EIF2B3: variants seen among roughly 807,000 people sequenced by gnomAD.
EIF2B3 encodes eukaryotic translation initiation factor 2B subunit gamma, also known as translation initiation factor eIF2B subunit gamma.
In EIF2B3, 20 loss-of-function variants were observed where a neutral mutation model predicts 54.1. The observed-to-expected ratio is 0.37, with a 90% confidence interval of 0.26 to 0.54. The LOEUF (loss-of-function observed/expected upper bound fraction) is 0.54. Ranked by LOEUF, EIF2B3 falls within the 20% of genes least tolerant of loss-of-function variation. The pLI is 0.86. For synonymous variants in EIF2B3, 153 were observed against 188.1 expected (o/e 0.81, Z 1.52); for missense variants, 448 against 547.8 (o/e 0.82, Z 1.82).
At chr1:44,870,265 C>CTTTTCCTAA (rs1573691864) in intron 10 of EIF2B3, among the ~76,000 whole-genome samples, 2 of 152,092 alleles carry the variant, frequency 1.3e-5, no homozygotes, top group East Asian at 3.9e-4. Flanking sequence ...GGTCTGACCT[C>CTTTTCCTAA]TTTTCCTAAG....
chr1:44,949,169 C>T (rs949626978), intron 3 of EIF2B3, among the ~76,000 whole-genome samples: 2 of 152,140 alleles, frequency 1.3e-5, no homozygotes, highest in African/African-American at 4.8e-5. Flanking sequence ...TGCACCTGGC[C>T]GCCAGTGTTA....
In EIF2B3 at chr1:44,931,527, A is replaced by G. The variant is rs183489511; in HGVS notation, c.455-4788T>C. Among the ~76,000 whole-genome samples the G allele has an allele frequency of 4.6e-5, 7 of 152,374 alleles. No homozygotes were observed. In the East Asian group the frequency reaches 1.3e-3, roughly 29 times the overall value. On this transcript the variant is annotated intron_variant, in intron 4 of 11. Coordinates refer to ENST00000360403, the MANE Select transcript of EIF2B3 (RefSeq NM_020365.5). ...GAGATGAGCCATCTTGGCTACACTT[A>G]GGCCAAACTGCCAACCTACAGACTC...
intron 10 of EIF2B3, among the ~76,000 whole-genome samples, chr1:44,870,154 A>G (rs1654916400): frequency 6.8e-6 from 1 of 148,090 alleles, no homozygotes; most frequent in Non-Finnish European, 1.5e-5. Context: ...CCCAGGGGAC[A>G]AAGAGAGACC....
At chr1:44,905,062 C>G (rs1416127750) in intron 5 of EIF2B3, among the ~76,000 whole-genome samples, 1 of 152,150 alleles carries the variant, frequency 6.6e-6, no homozygotes, top group African/African-American at 2.4e-5. Flanking sequence ...CTGGTATTTG[C>G]TACATAGGAA....
intron 10 of EIF2B3, among the ~76,000 whole-genome samples, chr1:44,863,905 C>T (rs1349261220): frequency 6.6e-6 from 1 of 152,078 alleles, no homozygotes. Flanking sequence ...ATGATCTTAC[C>T]TTTTCCCTGT....
intron 3 of EIF2B3, among the ~76,000 whole-genome samples, chr1:44,943,555 G>A (rs1176412726): frequency 6.6e-6 from 1 of 151,612 alleles, no homozygotes; most frequent in Non-Finnish European, 1.5e-5. Flanking sequence ...TAGTAGCTGG[G>A]ACTACAGGCG....
At chr1:44,926,290 A>C (rs1643848868) in intron 5 of EIF2B3, among the ~76,000 whole-genome samples, 1 of 152,034 alleles carries the variant, frequency 6.6e-6, no homozygotes, top group African/African-American at 2.4e-5. Context: ...AAAAAAACAA[A>C]GGTTACAATG....
chr1:44,957,588 T>C (rs264004), intron 3 of EIF2B3, among the ~76,000 whole-genome samples: 28,573 of 151,794 alleles, frequency 0.19, 2,844 homozygotes, highest in African/African-American at 0.23. Flanking sequence ...TGACAAAACC[T>C]GGTCTCTACT....
intron 3 of EIF2B3, among the ~76,000 whole-genome samples, chr1:44,966,454 A>G (rs986966887): frequency 2.9e-4 from 44 of 150,802 alleles, no homozygotes; most frequent in Middle Eastern, 3.4e-3. Flanking sequence ...AAAAAAAAAA[A>G]AAGAAGAAGA....
intron 3 of EIF2B3, among the ~76,000 whole-genome samples, chr1:44,976,931 G>A (rs993955563): frequency 6.6e-6 from 1 of 152,178 alleles, no homozygotes; most frequent in African/African-American, 2.4e-5. Flanking sequence ...AGGGGTGATG[G>A]AATTGTTCTA....
chr1:44,927,672 G>A (rs968182890), intron 4 of EIF2B3, among the ~76,000 whole-genome samples: 11 of 152,116 alleles, frequency 7.2e-5, no homozygotes, highest in Non-Finnish European at 1.5e-5. Flanking sequence ...AACAAGGTCT[G>A]TATGTTAAAG....
At position 44,927,841 on chromosome 1, in the gene EIF2B3, C is replaced by T. The variant is rs263983; in HGVS notation, c.455-1102G>A. Among the ~76,000 whole-genome samples, 1,019 of 151,990 alleles carry T rather than the reference C, an allele frequency of 6.7e-3. 12 individuals are homozygous for T. Among genetic ancestry groups the T allele is most frequent in the African/African-American group, 0.023 (967 of 41,452 alleles). The stretch of plus-strand genomic sequence containing the variant: ...AATCATATATATTATATTATGTATG[C>T]ATTATATATATTGAATATATATTAC... On this transcript the variant is annotated intron_variant, in intron 4 of 11. Transcript: ENST00000360403.
intron 3 of EIF2B3, among the ~76,000 whole-genome samples, chr1:44,944,074 G>A (rs1373744354): frequency 6.6e-6 from 1 of 151,942 alleles, no homozygotes; most frequent in Non-Finnish European, 1.5e-5. Context: ...AACCCAGGAG[G>A]TGGAAATTGC....
At chr1:44,877,395 C>A (rs1036895509) in intron 8 of EIF2B3, among the ~76,000 whole-genome samples, 2 of 151,952 alleles carry the variant, frequency 1.3e-5, no homozygotes, top group Admixed American at 1.3e-4. Flanking sequence ...AATGCTCCTC[C>A]TTGAAAGTAA....
chr1:44,870,143 GC>G (rs1195317109), intron 10 of EIF2B3, among the ~76,000 whole-genome samples: 7 of 150,926 alleles, frequency 4.6e-5, no homozygotes, highest in African/African-American at 9.8e-5. Flanking sequence ...CTGCACTCCA[GC>G]CCAGGGGACA....
intron 3 of EIF2B3, 71 bp downstream of exon 3, chr1:44,978,244 T>C: frequency 3.2e-6 from 5 of 1,576,148 alleles, no homozygotes; most frequent in South Asian, 2.2e-5. Context: ...AAAAAGACTA[T>C]AATGCACTGG....
rs1051127603 is a variant in EIF2B3, at chr1:44,850,787, C to T, written c.*164G>A. ...ATGACACATGAACATACACTGTGTA[C>T]ACCTGGAGCCCACCTGACATGGAGC... On this transcript the variant is annotated 3_prime_UTR_variant, in exon 12 of 12. Coordinates refer to ENST00000360403, the MANE Select transcript of EIF2B3 (RefSeq NM_020365.5). The T allele has an allele frequency of 9.7e-6, 7 of 719,864 alleles. No individual in the cohort carries two copies. The highest frequency in any genetic ancestry group is 5.3e-5 in the African/African-American group (3 of 56,762). The allele number at this position is 719,864 out of a possible 1,614,324, so 44.6% of individuals were successfully genotyped here.
intron 6 of EIF2B3, among the ~76,000 whole-genome samples, chr1:44,888,303 A>G (rs527778292): frequency 1.5e-4 from 23 of 152,320 alleles, no homozygotes; most frequent in African/African-American, 5.3e-4. Flanking sequence ...TACAAAATTT[A>G]GAGGATTTTG....
At chr1:44,920,743 G>C (rs1224745491) in intron 5 of EIF2B3, among the ~76,000 whole-genome samples, 1 of 152,148 alleles carries the variant, frequency 6.6e-6, no homozygotes, top group Non-Finnish European at 1.5e-5. Context: ...TGTCTGAATA[G>C]TACTTAATTG....
Sources: allele counts gnomAD v4.1 joint callset (sites outside exome capture counted in the v4.1 genomes callset), GRCh38; gene constraint gnomAD v4.1.1; transcripts MANE v1.5; gene names NCBI Gene and HGNC (gene_info 2026-07-23, HGNC 2026-07-21).